The following LRRC4C variants were observed in gnomAD, a reference collection of about 807,000 sequenced individuals.
LRRC4C encodes leucine rich repeat containing 4C.
In LRRC4C, 5 loss-of-function variants were observed where a neutral mutation model predicts 33.6. The ratio of observed to expected loss-of-function variants is 0.15; its 90% CI spans 0.08 to 0.31. The LOEUF is 0.31. Among genes scored for constraint, LRRC4C ranks in the 10% least tolerant of loss-of-function variants. The probability of loss-of-function intolerance (pLI) is 1.00; values close to 1 mark genes in which losing one functional copy is unlikely to be tolerated. For missense variants in LRRC4C, 560 were observed against 796.7 expected (o/e 0.70, Z 3.58); for synonymous variants, 329 against 302.0 (o/e 1.09, Z -0.93).
At chr11:40,902,145 C>T (rs1018371261) in intron 2 of LRRC4C, among the ~76,000 whole-genome samples, 11 of 151,698 alleles carry the variant, frequency 7.3e-5, no homozygotes, top group African/African-American at 1.2e-4. Context: ...TTGAACAATT[C>T]GATCGGTGGT....
intron 1 of LRRC4C, among the ~76,000 whole-genome samples, chr11:41,256,267 A>C (rs756124481): frequency 1.3e-5 from 2 of 151,922 alleles, no homozygotes; most frequent in South Asian, 2.1e-4. Flanking sequence ...TCAATCAATC[A>C]ATCCATCCAG....
chr11:40,480,218 T>C (rs2138394372), intron 3 of LRRC4C, among the ~76,000 whole-genome samples: 1 of 152,184 alleles, frequency 6.6e-6, no homozygotes, highest in South Asian at 2.1e-4. Flanking sequence ...CAAATGTATT[T>C]GACTTAAAAT....
intron 1 of LRRC4C, among the ~76,000 whole-genome samples, chr11:41,234,451 T>C (rs562051558): frequency 6.6e-6 from 1 of 152,170 alleles, no homozygotes; most frequent in East Asian, 1.9e-4. Flanking sequence ...CATTATGTTG[T>C]ACAATAGATC....
chr11:40,717,621 T>C (rs1336158040), intron 2 of LRRC4C, among the ~76,000 whole-genome samples: 1 of 152,148 alleles, frequency 6.6e-6, no homozygotes, highest in Non-Finnish European at 1.5e-5. Context: ...CTGTAGTGCC[T>C]GTAGGTACCA....
At chr11:40,634,973 A>T (rs956332283) in intron 3 of LRRC4C, among the ~76,000 whole-genome samples, 6 of 151,612 alleles carry the variant, frequency 4.0e-5, no homozygotes, top group Admixed American at 4.0e-4. Flanking sequence ...ATTAATATTT[A>T]TCTGATCTCA....
intron 3 of LRRC4C, among the ~76,000 whole-genome samples, chr11:40,513,373 A>G (rs888291376): frequency 2.0e-5 from 3 of 152,176 alleles, no homozygotes; most frequent in Non-Finnish European, 4.4e-5. Flanking sequence ...ATGAAGCTAG[A>G]CTTAGCCTGA....
At chr11:40,744,032 C>T (rs1198198686) in intron 2 of LRRC4C, among the ~76,000 whole-genome samples, 4 of 152,058 alleles carry the variant, frequency 2.6e-5, no homozygotes, top group African/African-American at 9.7e-5. Flanking sequence ...ACGAATTTAC[C>T]TGTTTAATTA....
intron 5 of LRRC4C, among the ~76,000 whole-genome samples, chr11:40,173,677 T>C (rs982925768): frequency 2.6e-5 from 4 of 152,160 alleles, no homozygotes; most frequent in Non-Finnish European, 5.9e-5. Flanking sequence ...GCCTAGATGA[T>C]CATACCTGTA....
chr11:40,439,517 A>G (rs1017617059), intron 3 of LRRC4C, among the ~76,000 whole-genome samples: 4 of 149,150 alleles, frequency 2.7e-5, no homozygotes, highest in Non-Finnish European at 5.9e-5. Context: ...GCAGTGGTGC[A>G]ATCTCGGCTC....
intron 3 of LRRC4C, among the ~76,000 whole-genome samples, chr11:40,485,950 A>C (rs371972231): frequency 1.4e-4 from 21 of 152,108 alleles, no homozygotes; most frequent in African/African-American, 4.8e-4. Flanking sequence ...TGATAAGAAC[A>C]CATGGACACA....
At chr11:40,295,659 A>G (rs1944475071) in intron 4 of LRRC4C, among the ~76,000 whole-genome samples, 1 of 152,210 alleles carries the variant, frequency 6.6e-6, no homozygotes, top group African/African-American at 2.4e-5. Context: ...TGTAACGTGC[A>G]TCTCAGATGT....
chr11:40,729,446 T>C (rs955646123), intron 2 of LRRC4C, among the ~76,000 whole-genome samples: 2 of 152,188 alleles, frequency 1.3e-5, no homozygotes, highest in African/African-American at 4.8e-5. Flanking sequence ...CCCTTTTGAC[T>C]CCTTTTCTGG....
intron 1 of LRRC4C, among the ~76,000 whole-genome samples, chr11:41,021,194 AGAGAGAGAGAGAGAGAGAGAGTGT>A: frequency 1.4e-5 from 1 of 70,300 alleles, no homozygotes; most frequent in Admixed American, 1.2e-4. Context: ...AGAGAGAGAG[AGAGAGAGAGAGAGAGAGAGAGTGT>A]GTGTGTGTGT....
chr11:40,150,941 A>T (rs916664871), intron 5 of LRRC4C, among the ~76,000 whole-genome samples: 4 of 151,324 alleles, frequency 2.6e-5, no homozygotes, highest in African/African-American at 7.3e-5. Context: ...TGAGAGAAAT[A>T]AAAAAAAATG....
At chr11:41,047,769 T>A (rs914761741) in intron 1 of LRRC4C, among the ~76,000 whole-genome samples, 1 of 152,140 alleles carries the variant, frequency 6.6e-6, no homozygotes, top group African/African-American at 2.4e-5. Flanking sequence ...TTTTAAACTA[T>A]TCTCCTTGAA....
intron 1 of LRRC4C, among the ~76,000 whole-genome samples, chr11:41,280,346 G>C (rs1416374345): frequency 7.0e-6 from 1 of 143,156 alleles, no homozygotes; most frequent in Non-Finnish European, 1.5e-5. Flanking sequence ...GATGGGTCAA[G>C]TAGTCCAAAC....
chr11:40,489,833 A>G (rs1954057356), intron 3 of LRRC4C, among the ~76,000 whole-genome samples: 1 of 152,150 alleles, frequency 6.6e-6, no homozygotes, highest in African/African-American at 2.4e-5. Context: ...TGATTTTGTA[A>G]AATACTTCTC....
chr11:41,287,160 C>T (rs574270764), intron 1 of LRRC4C, among the ~76,000 whole-genome samples: 1 of 152,310 alleles, frequency 6.6e-6, no homozygotes, highest in East Asian at 1.9e-4. Flanking sequence ...ATATAAGCCA[C>T]TGTCTCTTCT....
At chr11:41,109,968 G>C (rs1039438297) in intron 1 of LRRC4C, among the ~76,000 whole-genome samples, 1 of 151,888 alleles carries the variant, frequency 6.6e-6, no homozygotes, top group Non-Finnish European at 1.5e-5. Context: ...CTACAACAGC[G>C]TGTACCAAAG....
Sources: gnomAD v4.1 joint callset for allele counts (sites outside exome capture counted in the v4.1 genomes callset) on GRCh38, gnomAD v4.1.1 for gene constraint, MANE v1.5 for transcripts, NCBI Gene and HGNC (gene_info 2026-07-23, HGNC 2026-07-21) for gene names.